Variants in DDI2 observed in about 807,000 individuals in gnomAD.
DDI2 encodes DDI proteasomal shuttling factor 2.
In DDI2, 5 loss-of-function variants were observed where a neutral mutation model predicts 48.1. The ratio of observed to expected loss-of-function variants is 0.10; its 90% CI spans 0.05 to 0.22. DDI2 has a LOEUF of 0.22. Ranked by LOEUF, DDI2 falls within the 10% of genes least tolerant of loss-of-function variation. The pLI is 1.00. For synonymous variants in DDI2, 205 were observed against 183.6 expected (o/e 1.12, Z -0.94); for missense variants, 285 against 506.2 (o/e 0.56, Z 4.19).
intron 2 of DDI2, 145 bp downstream of exon 2, chr1:15,626,943 A>C: frequency 9.5e-7 from 1 of 1,052,816 alleles, no homozygotes; most frequent in Non-Finnish European, 1.3e-6. Context: ...GTAACCTTGA[A>C]CAAGTATTTT....
intron 2 of DDI2, among the ~76,000 whole-genome samples, chr1:15,628,306 A>G (rs1469525364): frequency 6.6e-6 from 1 of 152,136 alleles, no homozygotes; most frequent in East Asian, 1.9e-4. Flanking sequence ...TCACTTCACC[A>G]TTTCCTTGGT....
rs1271281019 is a variant in DDI2 at position 15,664,403 on chromosome 1, T to G, written c.*4613T>G. The G allele has an allele frequency of 7.0e-6, 1 of 143,546 alleles. No individual in the cohort carries two copies. Among genetic ancestry groups the G allele is most frequent in the Non-Finnish European group, 1.5e-5 (1 of 66,746 alleles). 8.9% of individuals were successfully genotyped at this position (143,546 alleles called of 1,614,324 possible). A position where few individuals can be genotyped will look rare whatever the true frequency, so the allele number is the denominator to read the frequency against. On this transcript the variant is annotated 3_prime_UTR_variant, in exon 10 of 10. Transcript: ENST00000480945. ...CCTAGATCACGCCACTGCACTCCAG[T>G]GTGGGCGGCAGAGTGAGACTCTGTC... is the stretch of plus-strand genomic sequence containing the variant.
intron 3 of DDI2, among the ~76,000 whole-genome samples, chr1:15,631,868 C>T (rs190027704): frequency 7.9e-5 from 12 of 151,832 alleles, no homozygotes; most frequent in Non-Finnish European, 1.2e-4. Context: ...TGCAGTGGCG[C>T]GATCTCTGCT....
intron 5 of DDI2, among the ~76,000 whole-genome samples, chr1:15,639,602 C>T (rs1268635577): frequency 6.6e-6 from 1 of 152,078 alleles, no homozygotes; most frequent in Non-Finnish European, 1.5e-5. Flanking sequence ...TAGCTGGAAC[C>T]ACAGGCATGT....
At chr1:15,626,610 G>T (rs1639758622) in intron 1 of DDI2, 59 bp from the exon 2 acceptor site, 2 of 1,603,946 alleles carry the variant, frequency 1.2e-6, no homozygotes, top group Non-Finnish European at 8.5e-7. Context: ...TGGTCCTTCT[G>T]CCTTGCGCTG....
chr1:15,658,438 C>G (rs1199432216), intron 9 of DDI2, among the ~76,000 whole-genome samples: 2 of 151,862 alleles, frequency 1.3e-5, no homozygotes, highest in Admixed American at 6.6e-5. Flanking sequence ...GCATGAGCCA[C>G]TGTGCCCAGC....
intron 1 of DDI2, among the ~76,000 whole-genome samples, chr1:15,624,103 G>A (rs1286449339): frequency 6.6e-6 from 1 of 152,186 alleles, no homozygotes; most frequent in Non-Finnish European, 1.5e-5. Flanking sequence ...GCTCCCAGGA[G>A]ACTGTTCATG....
At chr1:15,655,936 A>G (rs1309335918) in intron 8 of DDI2, among the ~76,000 whole-genome samples, 1 of 151,916 alleles carries the variant, frequency 6.6e-6, no homozygotes, top group Middle Eastern at 3.2e-3. Flanking sequence ...AAAAACAACA[A>G]AAAAAAGAGC....
chr1:15,654,403 A>C (rs535503725), intron 8 of DDI2, among the ~76,000 whole-genome samples: 2 of 152,292 alleles, frequency 1.3e-5, no homozygotes, highest in South Asian at 4.1e-4. Flanking sequence ...CTGTGATCCC[A>C]GTACTTTGGT....
rs535226905 is a variant in DDI2, at chr1:15,660,489, C to G, written c.*699C>G. On this transcript the variant is annotated 3_prime_UTR_variant, in exon 10 of 10. Transcript: ENST00000480945. ...CTGAAGAAAGGCAACAGAATCAACA[C>G]AAAATTGTTGATTTGGAAGCTACGA... 6.2e-7 allele frequency: 1 copy of G among 1,613,990 alleles called. No homozygotes were observed. The highest frequency in any genetic ancestry group is 2.2e-5 in the East Asian group (1 of 44,874).
At chr1:15,621,934 A>G (rs1457091785) in intron 1 of DDI2, among the ~76,000 whole-genome samples, 1 of 152,246 alleles carries the variant, frequency 6.6e-6, no homozygotes, top group African/African-American at 2.4e-5. Context: ...TAGATTATAC[A>G]AGTCAAATTG....
intron 5 of DDI2, among the ~76,000 whole-genome samples, chr1:15,640,944 AAGC>A (rs1361948477): frequency 2.6e-5 from 4 of 152,158 alleles, no homozygotes; most frequent in African/African-American, 2.4e-5. Context: ...TCAGGAAAAA[AAGC>A]AGGGCAGGGA....
At position 15,660,223 on chromosome 1, in the gene DDI2, C is replaced by A; in HGVS notation, c.*433C>A. 1 of 1,614,150 alleles carries A rather than the reference C, an allele frequency of 6.2e-7. No individual in the cohort carries two copies. The highest frequency in any genetic ancestry group is 2.2e-5 in the East Asian group (1 of 44,884). On this transcript the variant is annotated 3_prime_UTR_variant, in exon 10 of 10. Transcript: ENST00000480945. ...GGAGAAATCTGCTGAAAGAAGCACCCAGGGCCTCAAATTTCATCTCCATAC... is the reference window on the plus strand; with the variant it reads ...GGAGAAATCTGCTGAAAGAAGCACCAAGGGCCTCAAATTTCATCTCCATAC...
chr1:15,638,192 G>T, intron 4 of DDI2, 115 bp from the exon 5 acceptor site: 1 of 1,472,404 alleles, frequency 6.8e-7, no homozygotes, highest in Admixed American at 2.0e-5. Flanking sequence ...TGACTCGGCT[G>T]CTGTGCTTGG....
chr1:15,637,205 A>AT (rs1399496517), intron 4 of DDI2, among the ~76,000 whole-genome samples: 25 of 152,050 alleles, frequency 1.6e-4, no homozygotes. Flanking sequence ...AGTTGTGTTG[A>AT]TTTTTTTGTT....
intron 6 of DDI2, among the ~76,000 whole-genome samples, chr1:15,648,560 T>C (rs1025824867): frequency 3.9e-5 from 6 of 152,176 alleles, no homozygotes; most frequent in Admixed American, 6.5e-5. Flanking sequence ...CATTGCCTTC[T>C]AGATATCAAA....
Position 15,651,757 on chromosome 1 carries a change from C to A in DDI2, c.1045C>A (p.Gln349Lys), listed in dbSNP as rs1399191853. The A allele has an allele frequency of 2.2e-5, 35 of 1,613,768 alleles. No individual in the cohort carries two copies. The highest frequency in any genetic ancestry group is 2.9e-5 in the Non-Finnish European group (34 of 1,179,840). ...NVLVIGTTGS[Q>K]TTFLPEGELP... ...ACTCGTGATCGGCACCACAGGCTCC[C>A]AGACCACCTTTCTTCCTGAGGGAGA... The change falls in exon 8 of 10, where the codon CAG (glutamine) becomes AAG (lysine). Residue 349 changes from glutamine to lysine, a missense_variant. Physicochemically the swap from Gln to Lys is moderately conservative, Grantham distance 53. Transcript: ENST00000480945.
At position 15,662,428 on chromosome 1, in the gene DDI2, G is replaced by C. The variant is rs567989782; in HGVS notation, c.*2638G>C. ...CCATGAATCCTTATTACATTGGATGGGATATTGTGGGGGAGTTACAATGCA... is the reference window on the plus strand; with the variant it reads ...CCATGAATCCTTATTACATTGGATGCGATATTGTGGGGGAGTTACAATGCA... On this transcript the variant is annotated 3_prime_UTR_variant, in exon 10 of 10. Transcript: ENST00000480945. 1 of 152,294 alleles carries C rather than the reference G, an allele frequency of 6.6e-6. No individual in the cohort carries two copies. The highest frequency in any genetic ancestry group is 2.4e-5 in the African/African-American group (1 of 41,554). 9.4% of individuals were successfully genotyped at this position (152,294 alleles called of 1,614,324 possible). A position where few individuals can be genotyped will look rare whatever the true frequency, so the allele number is the denominator to read the frequency against.
intron 9 of DDI2, among the ~76,000 whole-genome samples, chr1:15,657,603 T>G (rs756755248): frequency 2.6e-5 from 4 of 152,168 alleles, no homozygotes; most frequent in Non-Finnish European, 5.9e-5. Context: ...CAAAATTCAT[T>G]GAGGGTGTGT....
Sources: allele counts gnomAD v4.1 joint callset (sites outside exome capture counted in the v4.1 genomes callset), GRCh38; gene constraint gnomAD v4.1.1; transcripts MANE v1.5; gene names NCBI Gene and HGNC (gene_info 2026-07-23, HGNC 2026-07-21).